The following GHR variants were observed in gnomAD, a reference collection of about 807,000 sequenced individuals.
GHR encodes growth hormone receptor.
Under a neutral mutation model 67.1 loss-of-function variants are expected in GHR, and 35 were observed. That is an observed-to-expected ratio of 0.52 (90% CI 0.40 to 0.69). The LOEUF (loss-of-function observed/expected upper bound fraction) is 0.69, where lower values mean the gene tolerates loss of function less well. GHR is among the 30% of genes least tolerant of loss of function. The probability of loss-of-function intolerance (pLI) is 0.00; values close to 1 mark genes in which losing one functional copy is unlikely to be tolerated. For missense variants in GHR, 792 were observed against 764.6 expected (o/e 1.04, Z -0.42); for synonymous variants, 272 against 269.1 (o/e 1.01, Z -0.10).
chr5:42,649,307 A>G (rs1485749530), intron 3 of GHR, among the ~76,000 whole-genome samples: 1 of 152,190 alleles, frequency 6.6e-6, no homozygotes, highest in Non-Finnish European at 1.5e-5. Flanking sequence ...ACATAAGGGA[A>G]AACTATATAC....
intron 1 of GHR, among the ~76,000 whole-genome samples, chr5:42,508,821 G>A (rs945387840): frequency 8.5e-5 from 13 of 152,124 alleles, no homozygotes; most frequent in African/African-American, 3.1e-4. Context: ...TGATCCACCC[G>A]GCTCGGCCTC....
intron 2 of GHR, among the ~76,000 whole-genome samples, chr5:42,567,917 G>A (rs1750042857): frequency 1.3e-5 from 2 of 152,016 alleles, no homozygotes; most frequent in South Asian, 4.2e-4. Context: ...TGGACCATGT[G>A]TTTGTTTTTC....
At chr5:42,538,501 G>A (rs551638214) in intron 1 of GHR, among the ~76,000 whole-genome samples, 11 of 152,218 alleles carry the variant, frequency 7.2e-5, no homozygotes, top group African/African-American at 2.4e-4. Flanking sequence ...TGAAGATAGG[G>A]GCCCAATCTT....
chr5:42,688,795 C>A, intron 3 of GHR, 95 bp from the exon 4 acceptor site: 1 of 1,139,704 alleles, frequency 8.8e-7, no homozygotes, highest in Non-Finnish European at 1.3e-6. Context: ...TGGCTTCATC[C>A]CAGTAGTTTC....
chr5:42,576,040 TTAAAATAATAAAATAAAATAAAA>T (rs1938377611), intron 2 of GHR, among the ~76,000 whole-genome samples: 2 of 26,640 alleles, frequency 7.5e-5, no homozygotes, highest in African/African-American at 3.6e-4. Flanking sequence ...TCTCAGAAAA[TTAAAATAATAAAATAAAATAAAA>T]TAAAATAAAA....
Position 42,529,819 on chromosome 5 carries a change from G to A in GHR, c.-11-36045G>A, listed in dbSNP as rs980589662. 2.6e-5 allele frequency among the ~76,000 whole-genome samples: 4 copies of A among 152,068 alleles called. No individual in the cohort carries two copies. In the East Asian group the frequency reaches 7.8e-4, roughly 30 times the overall value. On this transcript the variant is annotated intron_variant, in intron 1 of 9. Transcript: ENST00000230882. ...GAAAATAGAGGATATATAATTTTTAGCATTCCATTATTACCTAGGGGATGG... is the reference window on the plus strand; with the variant it reads ...GAAAATAGAGGATATATAATTTTTAACATTCCATTATTACCTAGGGGATGG...
chr5:42,534,993 T>A (rs1015895626), intron 1 of GHR, among the ~76,000 whole-genome samples: 1 of 151,974 alleles, frequency 6.6e-6, no homozygotes, highest in Non-Finnish European at 1.5e-5. Flanking sequence ...CACTTTTTGA[T>A]GAGATTGCTT....
chr5:42,630,369 G>A (rs1753877995), intron 3 of GHR, among the ~76,000 whole-genome samples: 2 of 132,154 alleles, frequency 1.5e-5, no homozygotes, highest in Non-Finnish European at 3.2e-5. Context: ...TAAGGGAAGG[G>A]AAGACAGTGT....
At chr5:42,667,438 A>T (rs182475654) in intron 3 of GHR, among the ~76,000 whole-genome samples, 2 of 152,174 alleles carry the variant, frequency 1.3e-5, no homozygotes, top group Non-Finnish European at 2.9e-5. Flanking sequence ...AATTCATTGT[A>T]CTAATATAAC....
At chr5:42,560,220 A>G (rs1219520473) in intron 1 of GHR, among the ~76,000 whole-genome samples, 1 of 152,130 alleles carries the variant, frequency 6.6e-6, no homozygotes, top group Non-Finnish European at 1.5e-5. Flanking sequence ...TTTGAGACAG[A>G]GTCTCGCTCT....
chr5:42,426,852 T>C (rs1326054651), intron 1 of GHR, among the ~76,000 whole-genome samples: 1 of 152,218 alleles, frequency 6.6e-6, no homozygotes, highest in Non-Finnish European at 1.5e-5. Context: ...TAGAGGTAAT[T>C]ATCTGGTGCA....
chr5:42,686,915 A>T (rs1182164725), intron 3 of GHR, among the ~76,000 whole-genome samples: 1 of 152,228 alleles, frequency 6.6e-6, no homozygotes, highest in Non-Finnish European at 1.5e-5. Flanking sequence ...ACATGATTGT[A>T]TATTTAGAAA....
At chr5:42,478,164 T>C (rs1334528724) in intron 1 of GHR, among the ~76,000 whole-genome samples, 1 of 152,220 alleles carries the variant, frequency 6.6e-6, no homozygotes, top group African/African-American at 2.4e-5. Flanking sequence ...TTCTTGTTTT[T>C]GTCAGGTTTG....
intron 3 of GHR, among the ~76,000 whole-genome samples, chr5:42,684,751 T>C (rs2111621485): frequency 6.6e-6 from 1 of 152,264 alleles, no homozygotes; most frequent in African/African-American, 2.4e-5. Flanking sequence ...AAATGAGTAT[T>C]TCTTACAACA....
chr5:42,482,549 C>G (rs1017582222), intron 1 of GHR, among the ~76,000 whole-genome samples: 3 of 152,198 alleles, frequency 2.0e-5, no homozygotes, highest in Admixed American at 2.0e-4. Flanking sequence ...GCTTCCTGGC[C>G]GCTTTATTTA....
chr5:42,524,433 T>G (rs1015628800), intron 1 of GHR, among the ~76,000 whole-genome samples: 2 of 152,100 alleles, frequency 1.3e-5, no homozygotes, highest in Non-Finnish European at 2.9e-5. Flanking sequence ...GCAGAAGAAA[T>G]TTCTAAACAA....
At chr5:42,689,384 A>G (rs775245106) in intron 4 of GHR, among the ~76,000 whole-genome samples, 3 of 152,168 alleles carry the variant, frequency 2.0e-5, no homozygotes, top group Non-Finnish European at 2.9e-5. Context: ...GTGTATGTGC[A>G]TGAGAATGTG....
chr5:42,637,609 C>T lies in GHR; in HGVS notation c.136+8506C>T, dbSNP rs746349688. Among the ~76,000 whole-genome samples the T allele has an allele frequency of 2.6e-5, 4 of 152,256 alleles. No homozygotes were observed. The East Asian group carries it at 7.7e-4, about 29-fold the overall frequency. ...TTATGATGATGACTTCCACATACAT[C>T]CATGTTGCTGCAAAGGACATGATTT... On this transcript the variant is annotated intron_variant, in intron 3 of 9. Coordinates refer to ENST00000230882, the MANE Select transcript of GHR (RefSeq NM_000163.5).
intron 3 of GHR, among the ~76,000 whole-genome samples, chr5:42,680,887 G>T (rs1756832236): frequency 6.6e-6 from 1 of 151,782 alleles, no homozygotes; most frequent in African/African-American, 2.4e-5. Flanking sequence ...TGGCATGCAT[G>T]TGCACAACGT....
Sources: allele counts gnomAD v4.1 joint callset (sites outside exome capture counted in the v4.1 genomes callset), GRCh38; gene constraint gnomAD v4.1.1; transcripts MANE v1.5; gene names NCBI Gene and HGNC (gene_info 2026-07-23, HGNC 2026-07-21).